Variants in CRABP1 observed in about 807,000 individuals in gnomAD.
The protein encoded by CRABP1 is cellular retinoic acid-binding protein 1.
CRABP1 carries 9 observed loss-of-function variants against 16.4 expected under a neutral mutation model. That is an observed-to-expected ratio of 0.55 (90% CI 0.33 to 0.96). The LOEUF is 0.96. Ranked by LOEUF, CRABP1 falls within the 40% of genes least tolerant of loss-of-function variation. The pLI is 0.03. For synonymous variants in CRABP1, 72 were observed against 70.4 expected (o/e 1.02, Z -0.11); for missense variants, 157 against 186.0 (o/e 0.84, Z 0.91).
In CRABP1 at chr15:78,341,054, A is replaced by G; in HGVS notation, c.82A>G (p.Met28Val). 1 of 1,609,214 alleles carries G rather than the reference A, an allele frequency of 6.2e-7. No homozygotes were observed. The highest frequency in any genetic ancestry group is 1.7e-5 in the Admixed American group (1 of 59,994). ...ELLKALGVNAMLRKVAVAAAS... is the reference protein window; with the variant it reads ...ELLKALGVNAVLRKVAVAAAS... ...TGCACCCTGCGCAGGTGTGAACGCC[A>G]TGCTGAGGAAAGTGGCCGTAGCGGC... Residue 28 changes from methionine to valine, a missense_variant, in exon 2 of 4, where the codon ATG (methionine) becomes GTG (valine). Transcript: ENST00000299529. The surrounding 1 kb of genome is among the most constrained non-coding windows in gnomAD (Gnocchi z 5.3).
rs747906092 is a variant in CRABP1 at position 78,340,382 on chromosome 15, C to A, written c.-47C>A. The A allele has an allele frequency of 6.4e-7, 1 of 1,555,564 alleles. No individual in the cohort carries two copies. Among genetic ancestry groups the A allele is most frequent in the Non-Finnish European group, 8.7e-7 (1 of 1,150,028 alleles). On this transcript the variant is annotated 5_prime_UTR_variant, in exon 1 of 4. Transcript: ENST00000299529. ...TCCGCCTTGCGAGCTCAGAGTGTGC[C>A]CGCTGCGCCGCCGCTGTCCGTACCT... is the stretch of plus-strand genomic sequence containing the variant.
At chr15:78,342,699 A>C in intron 2 of CRABP1, among the ~76,000 whole-genome samples, 1 of 152,186 alleles carries the variant, frequency 6.6e-6, no homozygotes, top group East Asian at 1.9e-4. Context: ...AGAGCCAAAG[A>C]CACCGAGGTT....
At position 78,340,459 on chromosome 15, in the gene CRABP1, C is replaced by G. The variant is rs778704148; in HGVS notation, c.31C>G (p.Arg11Gly). The change falls in exon 1 of 4, where the codon CGC (arginine) becomes GGC (glycine). Residue 11 changes from arginine (R) to glycine (G), a missense_variant. By Grantham distance (125) the Arg-to-Gly change is moderately radical (BLOSUM62 -2). Coordinates refer to ENST00000299529, the MANE Select transcript of CRABP1 (RefSeq NM_004378.3). MPNFAGTWKM[R>G]SSENFDELLK... ...CAACTTCGCCGGCACCTGGAAGATG[C>G]GCAGCAGCGAGAATTTCGACGAGCT... The G allele has an allele frequency of 6.2e-7, 1 of 1,605,520 alleles. No homozygotes were observed. The highest frequency in any genetic ancestry group is 8.5e-7 in the Non-Finnish European group (1 of 1,177,446).
At chr15:78,343,726 C>G (rs775839725) in intron 3 of CRABP1, 114 bp downstream of exon 3, 1 of 723,754 alleles carries the variant, frequency 1.4e-6, no homozygotes, top group Non-Finnish European at 2.3e-6. Context: ...ACCATTTGCC[C>G]TGGATTAAAA....
chr15:78,340,548 T>C, intron 1 of CRABP1, 50 bp downstream of exon 1: 1 of 1,577,444 alleles, frequency 6.3e-7, no homozygotes, highest in South Asian at 1.2e-5. Context: ...GGCCCGGAGG[T>C]GCCCTGGTCC....
chr15:78,344,339 A>G (rs1262703156), intron 3 of CRABP1, among the ~76,000 whole-genome samples: 2 of 152,150 alleles, frequency 1.3e-5, no homozygotes, highest in African/African-American at 2.4e-5. Flanking sequence ...ATATGCCTGT[A>G]ATCCCAGCTA....
intron 2 of CRABP1, 72 bp from the exon 3 acceptor site, chr15:78,343,427 A>G: frequency 5.1e-6 from 6 of 1,171,628 alleles, no homozygotes; most frequent in Non-Finnish European, 7.6e-6. Flanking sequence ...ATTATTTTTC[A>G]ATGCTCATTG....
chr15:78,343,824 G>A (rs1423701194), intron 3 of CRABP1, among the ~76,000 whole-genome samples: 1 of 152,208 alleles, frequency 6.6e-6, no homozygotes, highest in Non-Finnish European at 1.5e-5. Flanking sequence ...TCAGAGGATG[G>A]AATAGGGGCT....
At chr15:78,342,168 A>G (rs2050239141) in intron 2 of CRABP1, among the ~76,000 whole-genome samples, 1 of 152,116 alleles carries the variant, frequency 6.6e-6, no homozygotes, top group African/African-American at 2.4e-5. Flanking sequence ...TCTAGGAGGC[A>G]ATCTTTGGCT....
intron 3 of CRABP1, among the ~76,000 whole-genome samples, chr15:78,347,366 C>T (rs1485927772): frequency 6.6e-6 from 1 of 152,196 alleles, no homozygotes; most frequent in Admixed American, 6.5e-5. Flanking sequence ...GGTTTGGATG[C>T]CAATGCTGTG....
intron 1 of CRABP1, chr15:78,340,734 G>A (rs1383078433): frequency 3.3e-6 from 2 of 603,026 alleles, no homozygotes; most frequent in Non-Finnish European, 5.8e-6. Flanking sequence ...CCTCCTCGAT[G>A]GTGCGGACTT....
At chr15:78,340,863 G>A in intron 1 of CRABP1, 180 bp from the exon 2 acceptor site, 1 of 687,126 alleles carries the variant, frequency 1.5e-6, no homozygotes, top group Non-Finnish European at 2.4e-6. Context: ...TGCAACTCGA[G>A]GAAAGTCACT....
chr15:78,340,735 G>A, intron 1 of CRABP1: 2 of 603,870 alleles, frequency 3.3e-6, no homozygotes, highest in Non-Finnish European at 5.8e-6. Flanking sequence ...CTCCTCGATG[G>A]TGCGGACTTT....
chr15:78,340,736 T>G (rs2141525370), intron 1 of CRABP1: 1 of 601,252 alleles, frequency 1.7e-6, no homozygotes. Context: ...TCCTCGATGG[T>G]GCGGACTTTA....
At position 78,341,073 on chromosome 15, in the gene CRABP1, T is replaced by C; in HGVS notation, c.101T>C (p.Val34Ala). The part of the protein sequence containing the change: ...GVNAMLRKVA[V>A]AAASKPHVEI... ...AACGCCATGCTGAGGAAAGTGGCCG[T>C]AGCGGCTGCGTCCAAGCCGCACGTG... Residue 34 changes from valine (V) to alanine (A), a missense_variant, in exon 2 of 4, where the codon GTA becomes GCA. Val to Ala is a moderately conservative substitution (Grantham distance 64). Transcript: ENST00000299529. The surrounding 1 kb of genome is among the most constrained non-coding windows in gnomAD (Gnocchi z 5.3). 14 of 1,610,514 alleles carry C rather than the reference T, an allele frequency of 8.7e-6. No individual in the cohort carries two copies. Among genetic ancestry groups the C allele is most frequent in the Non-Finnish European group, 1.2e-5 (14 of 1,179,808 alleles).
chr15:78,340,643 C>G (rs1283466409), intron 1 of CRABP1, 145 bp downstream of exon 1: 5 of 889,448 alleles, frequency 5.6e-6, no homozygotes, highest in Non-Finnish European at 6.8e-6. Context: ...GCCTTGTCTC[C>G]CAGGCGCACC....
rs2050274963 is a variant in CRABP1, at chr15:78,347,839, G to A, written c.364-88G>A. The A allele has an allele frequency of 1.5e-5, 18 of 1,174,982 alleles. No individual in the cohort carries two copies. The East Asian group carries it at 4.2e-4, about 27-fold the overall frequency. The allele number at this position is 1,174,982 out of a possible 1,614,324, so 72.8% of individuals were successfully genotyped here. A position where few individuals can be genotyped will look rare whatever the true frequency, so the allele number is the denominator to read the frequency against. On this transcript the variant is annotated intron_variant, in intron 3 of 3. Coordinates refer to ENST00000299529, the MANE Select transcript of CRABP1 (RefSeq NM_004378.3). ...TCTGTTACAAAGAGTTTTTAACAGG[G>A]CAATAAGTGGCCTTATTAGTGATAT...
intron 3 of CRABP1, among the ~76,000 whole-genome samples, chr15:78,347,279 CCTGCCCCTTT>C (rs2050271831): frequency 6.6e-6 from 1 of 152,194 alleles, no homozygotes; most frequent in African/African-American, 2.4e-5. Flanking sequence ...CCAGCCCCTG[CCTGCCCCTTT>C]CCCAAACAGG....
rs371715456 is a variant in CRABP1, at chr15:78,342,870, G to A, written c.250-629G>A. 3.0e-4 allele frequency among the ~76,000 whole-genome samples: 46 copies of A among 152,272 alleles called. No individual in the cohort carries two copies. The East Asian group carries it at 8.5e-3, about 28-fold the overall frequency. On this transcript the variant is annotated intron_variant, in intron 2 of 3. Coordinates refer to ENST00000299529, the MANE Select transcript of CRABP1 (RefSeq NM_004378.3). Reference sequence around the variant, plus strand: ...TCAAATCTTGTGGTTCTGATGTGAAGGTTCTTGCTTTTAAAATCCAAATTA... The same window carrying A: ...TCAAATCTTGTGGTTCTGATGTGAAAGTTCTTGCTTTTAAAATCCAAATTA...
Sources: gnomAD v4.1 joint callset for allele counts (sites outside exome capture counted in the v4.1 genomes callset) on GRCh38, gnomAD v4.1.1 for gene constraint, Gnocchi (gnomAD v3.1) non-coding constraint, MANE v1.5 for transcripts, NCBI Gene and HGNC (gene_info 2026-07-23, HGNC 2026-07-21) for gene names.